The following RUSC1 variants were observed in gnomAD, a reference collection of about 807,000 sequenced individuals.
RUSC1 encodes the protein AP-4 complex accessory subunit RUSC1.
A neutral mutation model predicts 72.1 loss-of-function variants in RUSC1; 40 were observed. The observed-to-expected ratio is 0.55, with a 90% CI of 0.43 to 0.72. The LOEUF is 0.72. RUSC1 is among the 30% of genes least tolerant of loss of function. The probability of loss-of-function intolerance (pLI) is 0.00; values close to 1 mark genes in which losing one functional copy is unlikely to be tolerated. For missense variants in RUSC1, 1,092 were observed against 1,172.3 expected (o/e 0.93, Z 1.00); for synonymous variants, 512 against 494.2 (o/e 1.04, Z -0.48).
rs778243952 is a variant in RUSC1 at position 155,322,814 on chromosome 1, G to A, written c.1041G>A (p.Ser347=). 5 of 1,613,810 alleles carry A rather than the reference G, an allele frequency of 3.1e-6. No individual in the cohort carries two copies. Among genetic ancestry groups the A allele is most frequent in the Non-Finnish European group, 4.2e-6 (5 of 1,179,932 alleles). ...GCAGTGACTGGCTCATAGTCTTCTC[G>A]CCCGACACCGAGCTCCCCCCCTCGG... ...KDRSDWLIVF[S]PDTELPPSGS... The change falls in exon 2 of 10, where the codon TCG becomes TCA. Residue 347 remains serine (S), a synonymous_variant. Coordinates refer to ENST00000368352, the MANE Select transcript of RUSC1 (RefSeq NM_001105203.2).
chr1:155,325,008 C>T lies in RUSC1; in HGVS notation c.1456+65C>T, dbSNP rs1651161820. 2 of 1,613,674 alleles carry T rather than the reference C, an allele frequency of 1.2e-6. No individual in the cohort carries two copies. Among genetic ancestry groups the T allele is most frequent in the Non-Finnish European group, 1.7e-6 (2 of 1,179,710 alleles). On this transcript the variant is annotated intron_variant, in intron 3 of 9. Transcript: ENST00000368352. This position sits in a 1 kb window ranked among gnomAD's most constrained non-coding sequence, Gnocchi z 6.5. ...ACTGCCCTTCGCCCCCGGCCCTGCT[C>T]TCAGGCTGTCCGAAGGCAGTCTCTC...
intron 9 of RUSC1, among the ~76,000 whole-genome samples, chr1:155,328,808 C>T (rs960214007): frequency 8.5e-5 from 13 of 152,086 alleles, no homozygotes; most frequent in African/African-American, 2.2e-4. Flanking sequence ...CCATGTTCGC[C>T]GGGATGGTCT....
rs755949389 is a variant in RUSC1 at position 155,325,574 on chromosome 1, C to T, written c.1716C>T (p.Ser572=). 13 of 1,610,098 alleles carry T rather than the reference C, an allele frequency of 8.1e-6. No individual in the cohort carries two copies. In the South Asian group the frequency reaches 1.1e-4, roughly 14 times the overall value. ...VVEASVKPGS[S]TRSLGTLYSQ... ...TGCACCCCACGTTCTCAGGCTCCAG[C>T]ACCCGCTCCCTTGGAACCCTGTATA... Residue 572 remains serine (S), a synonymous_variant, in exon 6 of 10, where the codon AGC becomes AGT. Coordinates refer to ENST00000368352, the MANE Select transcript of RUSC1 (RefSeq NM_001105203.2). The surrounding 1 kb of genome is among the most constrained non-coding windows in gnomAD (Gnocchi z 6.5).
intron 1 of RUSC1, 183 bp downstream of exon 1, chr1:155,321,174 C>A: frequency 7.3e-7 from 1 of 1,372,288 alleles, no homozygotes; most frequent in Non-Finnish European, 9.7e-7. Flanking sequence ...GGAGCCCGGC[C>A]GAGGCAGCCA....
At position 155,326,373 on chromosome 1, in the gene RUSC1, C is replaced by T; in HGVS notation, c.1862-207C>T. 3.4e-6 allele frequency: 2 copies of T among 594,896 alleles called. No homozygotes were observed. Among genetic ancestry groups the T allele is most frequent in the Non-Finnish European group, 5.9e-6 (2 of 336,734 alleles). The allele number at this position is 594,896 out of a possible 1,614,324, so 36.9% of individuals were successfully genotyped here. A position where few individuals can be genotyped will look rare whatever the true frequency, so the allele number is the denominator to read the frequency against. ...TTGCACTGTCTCTGTTACTTGTCAC[C>T]ACTTGCTGTGTGTGTCTTCCTATTT... On this transcript the variant is annotated intron_variant, in intron 7 of 9. Transcript: ENST00000368352. This position sits in a 1 kb window ranked among gnomAD's most constrained non-coding sequence, Gnocchi z 4.7.
chr1:155,326,648 T>C lies in RUSC1; in HGVS notation c.1930T>C (p.Ser644Pro). ...GGCCCGCGGTGGTTGTCCCTCCCTG[T>C]CCACAGAGCTGCTGCTCCTGCTGCA... ...SLARGGCPSL[S>P]TELLLLLQPL... The change falls in exon 8 of 10, where the codon TCC (serine) becomes CCC (proline). Residue 644 changes from serine to proline, a missense_variant. Coordinates refer to ENST00000368352, the MANE Select transcript of RUSC1 (RefSeq NM_001105203.2). This position sits in a 1 kb window ranked among gnomAD's most constrained non-coding sequence, Gnocchi z 4.7. 6.2e-7 allele frequency: 1 copy of C among 1,613,976 alleles called. No individual in the cohort carries two copies. Among genetic ancestry groups the C allele is most frequent in the Non-Finnish European group, 8.5e-7 (1 of 1,180,030 alleles).
Position 155,325,136 on chromosome 1 carries a change from A to T in RUSC1, c.1491A>T (p.Lys497Asn), listed in dbSNP as rs768644501. 1 of 1,614,168 alleles carries T rather than the reference A, an allele frequency of 6.2e-7. No individual in the cohort carries two copies. The highest frequency in any genetic ancestry group is 8.5e-7 in the Non-Finnish European group (1 of 1,180,024). The part of the protein sequence containing the change: ...LLIAVSVSVD[K>N]IISHFGAARN... ...TAGCCGTCAGCGTCTCCGTTGATAA[A>T]ATCATCTCGCATTTCGGGGCCGCCC... Residue 497 changes from lysine to asparagine, a missense_variant, in exon 4 of 10, where the codon AAA becomes AAT. Physicochemically the swap from Lys to Asn is moderately conservative, Grantham distance 94 (BLOSUM62 0). Transcript: ENST00000368352. The surrounding 1 kb of genome is among the most constrained non-coding windows in gnomAD (Gnocchi z 6.5).
chr1:155,325,314 A>T lies in RUSC1; in HGVS notation c.1534-2A>T. The stretch of plus-strand genomic sequence containing the variant: ...GAGCCATCGGCATCGCGCCACCTCC[A>T]GGCCCAGTTGGGTGATAGCCGGCTG... On this transcript the variant is annotated splice_acceptor_variant, in intron 4 of 9. Transcript: ENST00000368352. LOFTEE classifies it high-confidence loss of function. This position sits in a 1 kb window ranked among gnomAD's most constrained non-coding sequence, Gnocchi z 6.5. The T allele has an allele frequency of 6.2e-7, 1 of 1,603,316 alleles. No homozygotes were observed.
At position 155,325,133 on chromosome 1, in the gene RUSC1, TA is replaced by T; in HGVS notation, c.1492del (p.Ile498SerfsTer22). On this transcript the variant is annotated frameshift_variant, in exon 4 of 10. Transcript: ENST00000368352. LOFTEE classifies it high-confidence loss of function. The surrounding 1 kb of genome is among the most constrained non-coding windows in gnomAD (Gnocchi z 6.5). ...LLIAVSVSVD[K>X]IISHFGAARN... ...TGATAGCCGTCAGCGTCTCCGTTGA[TA>T]AAATCATCTCGCATTTCGGGGCCGC... is the stretch of plus-strand genomic sequence containing the variant. The T allele has an allele frequency of 6.2e-7, 1 of 1,614,206 alleles. No homozygotes were observed. Among genetic ancestry groups the T allele is most frequent in the Non-Finnish European group, 8.5e-7 (1 of 1,180,040 alleles).
At position 155,328,177 on chromosome 1, in the gene RUSC1, A is replaced by T. The variant is rs759886970; in HGVS notation, c.2442A>T (p.Thr814=). The change falls in exon 9 of 10, where the codon ACA becomes ACT. Residue 814 remains threonine (T), a synonymous_variant. Transcript: ENST00000368352. ...GACCATCTAGCTGGCTGCCCCCGAC[A>T]GTGAGTGTGTTGGCTCTTGTGAAGC... ...SRRPSSWLPP[T]VSVLALVKRG... is the part of the protein sequence containing the mutation. 5.6e-6 allele frequency: 9 copies of T among 1,613,298 alleles called. No individual in the cohort carries two copies. The highest frequency in any genetic ancestry group is 1.6e-4 in the Middle Eastern group (1 of 6,082).
In RUSC1 at chr1:155,321,780, T is replaced by G; in HGVS notation, c.7T>G (p.Ser3Ala). The G allele has an allele frequency of 6.2e-7, 1 of 1,613,906 alleles. No homozygotes were observed. Among genetic ancestry groups the G allele is most frequent in the Non-Finnish European group, 8.5e-7 (1 of 1,180,008 alleles). ...TCCCATCGCCGCTAGCATCATGCTG[T>G]CCCCTCAGAGAGCTTTACTCTGCAA... is the stretch of plus-strand genomic sequence containing the variant. ML[S>A]PQRALLCNLN... is the part of the protein sequence containing the mutation. The change falls in exon 2 of 10, where the codon TCC becomes GCC. Residue 3 changes from serine (S) to alanine (A), a missense_variant. Physicochemically the swap from Ser to Ala is moderately conservative, Grantham distance 99 (BLOSUM62 1). Transcript: ENST00000368352.
chr1:155,324,666 A>G (rs1651080794), intron 2 of RUSC1, 179 bp from the exon 3 acceptor site: 1 of 1,533,076 alleles, frequency 6.5e-7, no homozygotes, highest in Non-Finnish European at 8.7e-7. Context: ...AGTGTGCGAG[A>G]TTTCACTCCG....
intron 1 of RUSC1, chr1:155,321,452 A>G: frequency 7.0e-7 from 1 of 1,437,392 alleles, no homozygotes; most frequent in Non-Finnish European, 9.3e-7. Context: ...TCGGAGATCC[A>G]GAGCGCAGCC....
Position 155,321,492 on chromosome 1 carries a change from C to A in RUSC1, c.-86-196C>A. On this transcript the variant is annotated intron_variant, in intron 1 of 9. Coordinates refer to ENST00000368352, the MANE Select transcript of RUSC1 (RefSeq NM_001105203.2). The stretch of plus-strand genomic sequence containing the variant: ...TCTCTGACCCTCCCGGCTCCATTCC[C>A]GGGGGGTTACATTCGACTCCATCTG... 1 of 1,481,450 alleles carries A rather than the reference C, an allele frequency of 6.8e-7. No individual in the cohort carries two copies. Among genetic ancestry groups the A allele is most frequent in the East Asian group, 2.9e-5 (1 of 35,046 alleles). The allele number at this position is 1,481,450 out of a possible 1,614,324, so 91.8% of individuals were successfully genotyped here. A position where few individuals can be genotyped will look rare whatever the true frequency, so the allele number is the denominator to read the frequency against.
rs74118444 is a variant in RUSC1 at position 155,321,472 on chromosome 1, G to T, written c.-86-216G>T. The T allele has an allele frequency of 5.1e-3, 7,496 of 1,466,038 alleles. 160 individuals are homozygous for T. The African/African-American group carries it at 0.057, about 11-fold the overall frequency. The allele number at this position is 1,466,038 out of a possible 1,614,324, so 90.8% of individuals were successfully genotyped here. On this transcript the variant is annotated intron_variant, in intron 1 of 9. Coordinates refer to ENST00000368352, the MANE Select transcript of RUSC1 (RefSeq NM_001105203.2). The stretch of plus-strand genomic sequence containing the variant: ...GATCCAGAGCGCAGCCGCGTTCTCT[G>T]ACCCTCCCGGCTCCATTCCCGGGGG...
intron 9 of RUSC1, 86 bp downstream of exon 9, chr1:155,328,361 C>T: frequency 7.2e-7 from 1 of 1,392,336 alleles, no homozygotes; most frequent in Non-Finnish European, 9.5e-7. Flanking sequence ...AAACCCTGGG[C>T]TTTAAAATAA....
At chr1:155,323,713 C>T (rs1650889144) in intron 2 of RUSC1, 1 of 148,092 alleles carries the variant, frequency 6.8e-6, no homozygotes, top group Admixed American at 6.7e-5. Context: ...CGCCGCGGCT[C>T]CCCCACCCCG....
Position 155,326,120 on chromosome 1 carries a change from C to T in RUSC1, c.1861+210C>T, listed in dbSNP as rs944115081. 19 of 622,004 alleles carry T rather than the reference C, an allele frequency of 3.1e-5. No homozygotes were observed. The highest frequency in any genetic ancestry group is 4.5e-5 in the Non-Finnish European group (16 of 355,102). 38.5% of individuals were successfully genotyped at this position (622,004 alleles called of 1,614,324 possible). A position where few individuals can be genotyped will look rare whatever the true frequency, so the allele number is the denominator to read the frequency against. Reference sequence around the variant, plus strand: ...GGCTGTCTGGCCTCTGCCCTCTTCCCCTGCCTTGGAGGGTCTTGCCAACAG... The same window carrying T: ...GGCTGTCTGGCCTCTGCCCTCTTCCTCTGCCTTGGAGGGTCTTGCCAACAG... On this transcript the variant is annotated intron_variant, in intron 7 of 9. Coordinates refer to ENST00000368352, the MANE Select transcript of RUSC1 (RefSeq NM_001105203.2). The surrounding 1 kb of genome is among the most constrained non-coding windows in gnomAD (Gnocchi z 4.7).
chr1:155,323,328 G>C (rs533240317), intron 2 of RUSC1, among the ~76,000 whole-genome samples, 198 bp downstream of exon 2: 1 of 152,086 alleles, frequency 6.6e-6, no homozygotes, highest in South Asian at 2.1e-4. Flanking sequence ...TCTTCTTCCC[G>C]CCCCTTCTTG....
Sources: allele counts gnomAD v4.1 joint callset (sites outside exome capture counted in the v4.1 genomes callset), GRCh38; gene constraint gnomAD v4.1.1; non-coding constraint Gnocchi (gnomAD v3.1); transcripts MANE v1.5; gene names NCBI Gene and HGNC (gene_info 2026-07-23, HGNC 2026-07-21).